Variants in VSTM2L observed in about 807,000 individuals in gnomAD.
The protein encoded by VSTM2L is V-set and transmembrane domain containing 2 like.
Under a neutral mutation model 19.9 loss-of-function variants are expected in VSTM2L, and 9 were observed. That is an observed-to-expected ratio of 0.45 (90% CI 0.27 to 0.79). The LOEUF is 0.79. Ranked by LOEUF, VSTM2L falls within the 30% of genes least tolerant of loss-of-function variation. The pLI is 0.15. For synonymous variants in VSTM2L, 127 were observed against 133.8 expected (o/e 0.95, Z 0.35); for missense variants, 286 against 295.5 (o/e 0.97, Z 0.24).
chr20:37,932,026 C>T (rs541656227), intron 2 of VSTM2L, among the ~76,000 whole-genome samples: 6 of 152,276 alleles, frequency 3.9e-5, no homozygotes, highest in East Asian at 1.9e-4. Flanking sequence ...AGGCTGAGCA[C>T]GTGAAATGGC....
chr20:37,904,457 G>A (rs573541742), intron 1 of VSTM2L, among the ~76,000 whole-genome samples: 9 of 152,348 alleles, frequency 5.9e-5, no homozygotes, highest in East Asian at 1.9e-4. Flanking sequence ...TGCTAGCCCC[G>A]AAGGAGCCCA....
At chr20:37,937,979 G>A (rs2072949898) in intron 3 of VSTM2L, among the ~76,000 whole-genome samples, 1 of 152,196 alleles carries the variant, frequency 6.6e-6, no homozygotes, top group African/African-American at 2.4e-5. Flanking sequence ...AGGCCGGGAT[G>A]AGACCTCAAA....
At chr20:37,929,919 T>C (rs149976608) in intron 1 of VSTM2L, among the ~76,000 whole-genome samples, 57 of 152,220 alleles carry the variant, frequency 3.7e-4, no homozygotes, top group African/African-American at 1.3e-3. Context: ...CATTGCCTCT[T>C]ACTTAGTGGG....
intron 1 of VSTM2L, among the ~76,000 whole-genome samples, chr20:37,905,734 C>T (rs148654910): frequency 1.3e-5 from 2 of 152,268 alleles, no homozygotes; most frequent in East Asian, 1.9e-4. Context: ...TAGTGACTGC[C>T]GAGGAGCCCC....
intron 1 of VSTM2L, among the ~76,000 whole-genome samples, chr20:37,921,351 G>A (rs1212603812): frequency 6.6e-6 from 1 of 152,210 alleles, no homozygotes; most frequent in Non-Finnish European, 1.5e-5. Context: ...GAGCCTGGGA[G>A]CCTGATTTTG....
At chr20:37,926,975 T>A (rs148506333) in intron 1 of VSTM2L, among the ~76,000 whole-genome samples, 5 of 152,346 alleles carry the variant, frequency 3.3e-5, no homozygotes, top group Non-Finnish European at 7.3e-5. Flanking sequence ...CATTAGTAAT[T>A]TCTTTTTTCC....
At position 37,944,608 on chromosome 20, in the gene VSTM2L, G is replaced by A; in HGVS notation, c.*355G>A. 3 of 1,050,802 alleles carry A rather than the reference G, an allele frequency of 2.9e-6. No individual in the cohort carries two copies. Among genetic ancestry groups the A allele is most frequent in the Non-Finnish European group, 3.4e-6 (3 of 873,334 alleles). The allele number at this position is 1,050,802 out of a possible 1,614,324, so 65.1% of individuals were successfully genotyped here. On this transcript the variant is annotated 3_prime_UTR_variant, in exon 4 of 4. Transcript: ENST00000373461. ...GCTTTGCTTGCTTGTCCCCCATCCT[G>A]TCCTGAGCCGGGGCCCCCCAGCCTC... is the stretch of plus-strand genomic sequence containing the variant.
At chr20:37,935,165 G>A (rs1050052763) in intron 3 of VSTM2L, among the ~76,000 whole-genome samples, 11 of 152,138 alleles carry the variant, frequency 7.2e-5, no homozygotes, top group Non-Finnish European at 1.5e-4. Context: ...AGGGAAATGC[G>A]ACAATGCTAA....
intron 1 of VSTM2L, among the ~76,000 whole-genome samples, chr20:37,927,732 C>G (rs1310649840): frequency 1.3e-5 from 2 of 152,170 alleles, no homozygotes; most frequent in African/African-American, 4.8e-5. Flanking sequence ...CAGGAGGAGA[C>G]TGAGTGGGGA....
At position 37,919,414 on chromosome 20, in the gene VSTM2L, G is replaced by T. The variant is rs1381234405; in HGVS notation, c.122-12221G>T. Among the ~76,000 whole-genome samples the T allele has an allele frequency of 2.0e-5, 3 of 152,362 alleles. No individual in the cohort carries two copies. The East Asian group carries it at 5.8e-4, about 29-fold the overall frequency. On this transcript the variant is annotated intron_variant, in intron 1 of 3. Transcript: ENST00000373461. ...AACCCTCGGGTGCCTCCCTGGGGAG[G>T]AGAGGGCCCTGGACACAGCCAGGCT...
At chr20:37,939,594 T>C (rs13038569) in intron 3 of VSTM2L, among the ~76,000 whole-genome samples, 68,869 of 151,870 alleles carry the variant, frequency 0.45, 15,670 homozygotes, top group South Asian at 0.55. Flanking sequence ...CTTAGAGGCA[T>C]GGACCACAGG....
chr20:37,934,643 C>T (rs1342443639), intron 3 of VSTM2L, among the ~76,000 whole-genome samples: 3 of 152,158 alleles, frequency 2.0e-5, no homozygotes, highest in Non-Finnish European at 4.4e-5. Flanking sequence ...GCTCAGGACC[C>T]CAAGGCCAAT....
In VSTM2L at chr20:37,903,202, G is replaced by A. The variant is rs2072730824; in HGVS notation, c.-149G>A. 1.5e-5 allele frequency: 16 copies of A among 1,064,198 alleles called. No homozygotes were observed. Among genetic ancestry groups the A allele is most frequent in the Non-Finnish European group, 1.8e-5 (15 of 842,372 alleles). The allele number at this position is 1,064,198 out of a possible 1,614,324, so 65.9% of individuals were successfully genotyped here. A position where few individuals can be genotyped will look rare whatever the true frequency, so the allele number is the denominator to read the frequency against. On this transcript the variant is annotated 5_prime_UTR_variant, in exon 1 of 4. Transcript: ENST00000373461. ...TGGGCCGGAGCCGGGCGAGGGCTGG[G>A]AGCTGGGCCGGGTCCGGGGACAGCG...
chr20:37,904,955 C>T (rs781666513), intron 1 of VSTM2L, among the ~76,000 whole-genome samples: 6 of 152,076 alleles, frequency 3.9e-5, no homozygotes, highest in East Asian at 1.9e-4. Context: ...CTGGCTAGAG[C>T]GGTGGTAAAT....
intron 1 of VSTM2L, 35 bp from the exon 2 acceptor site, chr20:37,931,600 G>A: frequency 6.3e-7 from 1 of 1,586,770 alleles, no homozygotes. Context: ...GTGGTTTCCT[G>A]AGCCCCGCCA....
intron 3 of VSTM2L, among the ~76,000 whole-genome samples, chr20:37,941,454 C>T (rs982944782): frequency 1.5e-5 from 2 of 137,092 alleles, no homozygotes; most frequent in Non-Finnish European, 3.3e-5. Flanking sequence ...AGAGCCCTCC[C>T]CAGGGCAGAT....
At chr20:37,934,151 G>A (rs1216439488) in intron 3 of VSTM2L, among the ~76,000 whole-genome samples, 1 of 152,206 alleles carries the variant, frequency 6.6e-6, no homozygotes, top group Non-Finnish European at 1.5e-5. Context: ...CAGAGGTCAC[G>A]CCAAGGGTGA....
intron 1 of VSTM2L, among the ~76,000 whole-genome samples, chr20:37,916,811 G>A (rs987008311): frequency 1.3e-5 from 2 of 152,222 alleles, no homozygotes; most frequent in Middle Eastern, 3.2e-3. Flanking sequence ...GCTAGATGAA[G>A]GAAGCCAGTC....
chr20:37,926,528 A>G (rs757516569), intron 1 of VSTM2L, among the ~76,000 whole-genome samples: 3 of 152,230 alleles, frequency 2.0e-5, no homozygotes, highest in African/African-American at 4.8e-5. Context: ...CGAAAGAGCA[A>G]GACTCCATCT....
Sources: gnomAD v4.1 joint callset for allele counts (sites outside exome capture counted in the v4.1 genomes callset) on GRCh38, gnomAD v4.1.1 for gene constraint, MANE v1.5 for transcripts, NCBI Gene and HGNC (gene_info 2026-07-23, HGNC 2026-07-21) for gene names.